Variants in PLG observed in about 807,000 individuals in gnomAD.
The protein encoded by PLG is plasminogen, also known as plasmin.
Under a neutral mutation model 104.4 loss-of-function variants are expected in PLG, and 41 were observed. That is an observed-to-expected ratio of 0.39 (90% confidence interval 0.31 to 0.51). The LOEUF (loss-of-function observed/expected upper bound fraction) is 0.51. Ranked by LOEUF, PLG falls within the 20% of genes least tolerant of loss-of-function variation. The probability of loss-of-function intolerance (pLI) is 0.76; values close to 1 mark genes in which losing one functional copy is unlikely to be tolerated. For missense variants in PLG, 891 were observed against 1,003.6 expected (o/e 0.89, Z 1.52); for synonymous variants, 337 against 357.1 (o/e 0.94, Z 0.63).
At chr6:160,720,356 T>C (rs1404928404) in intron 9 of PLG, among the ~76,000 whole-genome samples, 1 of 151,496 alleles carries the variant, frequency 6.6e-6, no homozygotes, top group Non-Finnish European at 1.5e-5. Context: ...GTATTCTGAG[T>C]TCCTAGATTT....
intron 1 of PLG, among the ~76,000 whole-genome samples, chr6:160,705,102 G>C (rs146271697): frequency 0.013 from 1,959 of 152,232 alleles, 31 homozygotes; most frequent in African/African-American, 0.04. Context: ...GCCCCTCAAA[G>C]TGGTCAAGGT....
intron 10 of PLG, among the ~76,000 whole-genome samples, chr6:160,722,834 A>G (rs1242778402): frequency 1.3e-5 from 2 of 152,190 alleles, no homozygotes; most frequent in African/African-American, 4.8e-5. Context: ...GCTCAGGAGT[A>G]CATATGAGCA....
chr6:160,710,863 G>A lies in PLG; in HGVS notation c.293-214G>A, dbSNP rs568857371. On this transcript the variant is annotated intron_variant, in intron 3 of 18. Coordinates refer to ENST00000308192, the MANE Select transcript of PLG (RefSeq NM_000301.5). ...TGTCCCCAGCATCCTGGTGGGGCTC[G>A]ATACACAGAGAGCTCATAAGTAGCA... Among the ~76,000 whole-genome samples, 8 of 152,274 alleles carry A rather than the reference G, an allele frequency of 5.3e-5. No homozygotes were observed. In the East Asian group the frequency reaches 9.6e-4, roughly 18 times the overall value.
rs1049372218 is a variant in PLG at position 160,744,564 on chromosome 6, C to T, written c.2125+3147C>T. 5.3e-5 allele frequency among the ~76,000 whole-genome samples: 8 copies of T among 151,994 alleles called. No individual in the cohort carries two copies. The highest frequency in any genetic ancestry group is 8.8e-5 in the Non-Finnish European group (6 of 67,950). On this transcript the variant is annotated intron_variant, in intron 17 of 18. Transcript: ENST00000308192. The surrounding 1 kb of genome is among the most constrained non-coding windows in gnomAD (Gnocchi z 4.5). ...GTCTTATCTTCCTTTTCTTCATTAG[C>T]CTAGCTAGCAGCCTACCTATCTTAT... is the stretch of plus-strand genomic sequence containing the variant.
At chr6:160,702,702 T>A (rs532728799) in intron 1 of PLG, among the ~76,000 whole-genome samples, 1 of 152,368 alleles carries the variant, frequency 6.6e-6, no homozygotes, top group East Asian at 1.9e-4. Flanking sequence ...ATTTATATCA[T>A]CTCTGTTACG....
chr6:160,716,903 A>T, intron 7 of PLG, 140 bp downstream of exon 7: 1 of 724,888 alleles, frequency 1.4e-6, no homozygotes, highest in Non-Finnish European at 2.6e-6. Context: ...TCTTTATTTT[A>T]TTGCTGGTTT....
intron 12 of PLG, 26 bp from the exon 13 acceptor site, chr6:160,733,969 G>C (rs369491235): frequency 7.6e-7 from 1 of 1,320,038 alleles, no homozygotes; most frequent in Non-Finnish European, 1.1e-6. Flanking sequence ...ACGTGAGCTG[G>C]AGCTTACATG....
Position 160,752,663 on chromosome 6 carries a change from G to A in PLG, c.2272-237G>A, listed in dbSNP as rs1778422351. On this transcript the variant is annotated intron_variant, in intron 18 of 18. Coordinates refer to ENST00000308192, the MANE Select transcript of PLG (RefSeq NM_000301.5). This position sits in a 1 kb window ranked among gnomAD's most constrained non-coding sequence, Gnocchi z 4.7. ...AGGAAACACCAACATAGGAAGGGAT[G>A]TGTGCAGGATTCACAAAAGATCTTT... Among the ~76,000 whole-genome samples the A allele has an allele frequency of 6.6e-6, 1 of 152,196 alleles. No homozygotes were observed. Among genetic ancestry groups the A allele is most frequent in the Non-Finnish European group, 1.5e-5 (1 of 68,036 alleles).
At chr6:160,748,041 T>G (rs181765118) in intron 17 of PLG, among the ~76,000 whole-genome samples, 17 of 152,180 alleles carry the variant, frequency 1.1e-4, no homozygotes, top group African/African-American at 3.9e-4. Flanking sequence ...GTGCAGTGGC[T>G]CACGCCTGTA....
intron 3 of PLG, among the ~76,000 whole-genome samples, chr6:160,709,912 A>G (rs1234921856): frequency 6.6e-6 from 1 of 152,218 alleles, no homozygotes; most frequent in Non-Finnish European, 1.5e-5. Flanking sequence ...TATACCTTAA[A>G]CATTTTATAT....
rs117166018 is a variant in PLG at position 160,740,599 on chromosome 6, G to A, written c.2019-712G>A. On this transcript the variant is annotated intron_variant, in intron 16 of 18. Transcript: ENST00000308192. The surrounding 1 kb of genome is among the most constrained non-coding windows in gnomAD (Gnocchi z 5.2). ...GTGTGCCTGCTTCAAAGTTGGTGAC[G>A]ATGATGTTTCTTGATCAGAATAGGG... 1.1e-3 allele frequency among the ~76,000 whole-genome samples: 162 copies of A among 152,298 alleles called. 4 individuals carry two copies. The East Asian group carries it at 0.029, about 27-fold the overall frequency.
At chr6:160,704,105 T>A (rs1777475066) in intron 1 of PLG, among the ~76,000 whole-genome samples, 2 of 152,240 alleles carry the variant, frequency 1.3e-5, no homozygotes, top group Non-Finnish European at 2.9e-5. Context: ...GCAATATACA[T>A]CTGCATTTTG....
rs1319373245 is a variant in PLG, at chr6:160,719,459, A to G, written c.1096+621A>G. On this transcript the variant is annotated intron_variant, in intron 9 of 18. Coordinates refer to ENST00000308192, the MANE Select transcript of PLG (RefSeq NM_000301.5). This position sits in a 1 kb window ranked among gnomAD's most constrained non-coding sequence, Gnocchi z 4.1. ...GATATATCTTTTAAATTTGTATGAT[A>G]TATCTTTTAAATTTATCTGAGCTTT... Among the ~76,000 whole-genome samples the G allele has an allele frequency of 6.6e-6, 1 of 152,174 alleles. No homozygotes were observed. The highest frequency in any genetic ancestry group is 1.5e-5 in the Non-Finnish European group (1 of 68,020).
chr6:160,734,019 G>A lies in PLG; in HGVS notation c.1612G>A (p.Val538Ile), dbSNP rs1221561439. ...GTACTGCCGTAACCCTGATGGTGAT[G>A]TAGGTGGTCCCTGGTGCTACACGAC... ...KNYCRNPDGD[V>I]GGPWCYTTNP... is the part of the protein sequence containing the mutation. The change falls in exon 13 of 19, where the codon GTA becomes ATA. Residue 538 changes from valine to isoleucine, a missense_variant. Around this residue, in one of 2 missense-constraint regions of PLG, gnomAD observed 854 missense variants for 932.1 expected, o/e 0.92. Transcript: ENST00000308192. This position sits in a 1 kb window ranked among gnomAD's most constrained non-coding sequence, Gnocchi z 4.4. 2 of 1,609,154 alleles carry A rather than the reference G, an allele frequency of 1.2e-6. No individual in the cohort carries two copies. Among genetic ancestry groups the A allele is most frequent in the Admixed American group, 1.7e-5 (1 of 60,008 alleles).
rs369053548 is a variant in PLG at position 160,725,209 on chromosome 6, A to AAAAC, written c.1256+2666_1256+2669dup. ...CAACCTGGGTGACAGAGCGAGACTC[A>AAAAC]AAACAAACAAACAAACAAACAAACA... On this transcript the variant is annotated intron_variant, in intron 10 of 18. Transcript: ENST00000308192. This position sits in a 1 kb window ranked among gnomAD's most constrained non-coding sequence, Gnocchi z 6.3. Among the ~76,000 whole-genome samples, 43 of 152,156 alleles carry AAAAC rather than the reference A, an allele frequency of 2.8e-4. No individual in the cohort carries two copies. The highest frequency in any genetic ancestry group is 6.2e-4 in the South Asian group (3 of 4,818).
intron 12 of PLG, among the ~76,000 whole-genome samples, chr6:160,733,011 C>T (rs1026121410): frequency 1.3e-5 from 2 of 152,192 alleles, no homozygotes; most frequent in East Asian, 1.9e-4. Flanking sequence ...ACCCTGCAAT[C>T]ACATGGTTGG....
intron 10 of PLG, among the ~76,000 whole-genome samples, chr6:160,728,107 G>C (rs995571283): frequency 6.6e-6 from 1 of 151,888 alleles, no homozygotes. Flanking sequence ...GAACACATAA[G>C]TATATACATG....
At position 160,752,276 on chromosome 6, in the gene PLG, G is replaced by C. The variant is rs1778416671; in HGVS notation, c.2271+16G>C. On this transcript the variant is annotated intron_variant, in intron 18 of 18. Coordinates refer to ENST00000308192, the MANE Select transcript of PLG (RefSeq NM_000301.5). This position sits in a 1 kb window ranked among gnomAD's most constrained non-coding sequence, Gnocchi z 4.7. ...CAGTTGCCAGGTAAGCAAAGATCAA[G>C]AGACCAAAGTTAGTCTTGTGCTCTC... 3 of 1,612,152 alleles carry C rather than the reference G, an allele frequency of 1.9e-6. No individual in the cohort carries two copies. The highest frequency in any genetic ancestry group is 2.5e-6 in the Non-Finnish European group (3 of 1,178,380).
intron 10 of PLG, among the ~76,000 whole-genome samples, chr6:160,729,627 A>T (rs970451230): frequency 6.6e-6 from 1 of 152,250 alleles, no homozygotes; most frequent in East Asian, 1.9e-4. Context: ...AGGCAGATAC[A>T]TAAGTGTACA....
Sources: allele counts gnomAD v4.1 joint callset (sites outside exome capture counted in the v4.1 genomes callset), GRCh38; gene constraint gnomAD v4.1.1; regional missense constraint gnomAD v4.1.1; non-coding constraint Gnocchi (gnomAD v3.1); transcripts MANE v1.5; gene names NCBI Gene and HGNC (gene_info 2026-07-23, HGNC 2026-07-21).